Variants in BRSK2 observed in about 807,000 individuals in gnomAD.
BRSK2 encodes the protein serine/threonine-protein kinase BRSK2.
A neutral mutation model predicts 83.3 loss-of-function variants in BRSK2; 19 were observed. The ratio of observed to expected loss-of-function variants is 0.23; its 90% CI spans 0.16 to 0.33. BRSK2 has a LOEUF of 0.33. Ranked by LOEUF, BRSK2 falls within the 10% of genes least tolerant of loss-of-function variation. The pLI, the probability that BRSK2 is intolerant of heterozygous loss-of-function variation, is 1.00. For missense variants in BRSK2, 798 were observed against 1,042.3 expected, an observed-to-expected ratio of 0.77 and a Z score of 3.23; for synonymous variants, 519 against 435.4, an observed-to-expected ratio of 1.19 and a Z score of -2.39.
intron 1 of BRSK2, among the ~76,000 whole-genome samples, chr11:1,403,619 G>C (rs978832645): frequency 6.6e-5 from 10 of 152,194 alleles, no homozygotes; most frequent in Non-Finnish European, 1.5e-4. Context: ...GGTGTGTCCT[G>C]AGCTCCCATC....
intron 18 of BRSK2, among the ~76,000 whole-genome samples, 162 bp from the exon 19 acceptor site, chr11:1,459,030 C>T (rs1035954522): frequency 6.6e-6 from 1 of 152,128 alleles, no homozygotes; most frequent in Non-Finnish European, 1.5e-5. Flanking sequence ...TAAGCCCCGC[C>T]CCCTCTGGCT....
Position 1,436,083 on chromosome 11 carries a change from G to A in BRSK2, c.135G>A (p.Val45=), listed in dbSNP as rs1414597904. 1.3e-6 allele frequency: 2 copies of A among 1,594,458 alleles called. No homozygotes were observed. The highest frequency in any genetic ancestry group is 1.1e-5 in the South Asian group (1 of 90,386). The change falls in exon 2 of 20, where the codon GTG becomes GTA. Residue 45 remains valine (V), a synonymous_variant. Coordinates refer to ENST00000528841, the MANE Select transcript of BRSK2 (RefSeq NM_001256627.2). The part of the protein sequence containing the change: ...LGVHCVTCQK[V]AIKIVNREKL... ...TTCACTGCGTCACCTGCCAGAAGGTGGCCATCAAGATCGTCAACCGTGAGA... is the reference window on the plus strand; with the variant it reads ...TTCACTGCGTCACCTGCCAGAAGGTAGCCATCAAGATCGTCAACCGTGAGA...
chr11:1,415,484 G>C (rs6578333), intron 1 of BRSK2, among the ~76,000 whole-genome samples: 107,425 of 152,072 alleles, frequency 0.71, 38,503 homozygotes, highest in Non-Finnish European at 0.76. Flanking sequence ...CGATTTGATT[G>C]TGGCTCACTG....
chr11:1,428,893 G>C (rs1420142389), intron 1 of BRSK2, among the ~76,000 whole-genome samples: 1 of 151,090 alleles, frequency 6.6e-6, no homozygotes, highest in Non-Finnish European at 1.5e-5. Context: ...CGGGTTACTG[G>C]GGGTGTGCAC....
intron 2 of BRSK2, among the ~76,000 whole-genome samples, chr11:1,437,408 AC>A (rs1204373486): frequency 2.0e-5 from 3 of 152,174 alleles, no homozygotes; most frequent in Non-Finnish European, 4.4e-5. Context: ...CACCACTGAC[AC>A]GGCCACTTCT....
intron 12 of BRSK2, among the ~76,000 whole-genome samples, 158 bp downstream of exon 12, chr11:1,446,065 G>GGGCTT (rs1389861464): frequency 6.9e-6 from 1 of 144,890 alleles, no homozygotes; most frequent in Non-Finnish European, 1.5e-5. Context: ...GGGCTGGGCT[G>GGGCTT]GGCTTGGCTG....
At chr11:1,459,816 C>T (rs960375928) in intron 19 of BRSK2, among the ~76,000 whole-genome samples, 1 of 152,200 alleles carries the variant, frequency 6.6e-6, no homozygotes, top group African/African-American at 2.4e-5. Context: ...CCCAGCCTGC[C>T]TCCCACATCC....
chr11:1,395,668 C>T (rs529912940), intron 1 of BRSK2, among the ~76,000 whole-genome samples: 1 of 152,240 alleles, frequency 6.6e-6, no homozygotes, highest in African/African-American at 2.4e-5. Flanking sequence ...CCTGCCTTGT[C>T]ACTGGCAATG....
At chr11:1,414,685 C>T (rs1847905988) in intron 1 of BRSK2, among the ~76,000 whole-genome samples, 1 of 152,192 alleles carries the variant, frequency 6.6e-6, no homozygotes. Flanking sequence ...GCTACGCGGC[C>T]ACCACTGTCT....
chr11:1,457,167 C>T (rs1173959791), intron 18 of BRSK2: 1 of 926,892 alleles, frequency 1.1e-6, no homozygotes, highest in African/African-American at 1.7e-5. Flanking sequence ...CCTGGACAGG[C>T]CAAGCATGCC....
intron 1 of BRSK2, among the ~76,000 whole-genome samples, chr11:1,406,472 A>G (rs1248005192): frequency 1.3e-5 from 2 of 152,212 alleles, no homozygotes; most frequent in African/African-American, 4.8e-5. Flanking sequence ...ACTCTGTCTC[A>G]ATAAAAAGAT....
chr11:1,391,237 G>A (rs1250436649), intron 1 of BRSK2, among the ~76,000 whole-genome samples: 1 of 152,232 alleles, frequency 6.6e-6, no homozygotes, highest in African/African-American at 2.4e-5. Flanking sequence ...TGGAGGCTGG[G>A]GCTCAGCCAT....
intron 1 of BRSK2, among the ~76,000 whole-genome samples, chr11:1,406,275 A>G (rs1846871548): frequency 6.6e-6 from 1 of 152,214 alleles, no homozygotes; most frequent in Non-Finnish European, 1.5e-5. Flanking sequence ...CATCCTGGCT[A>G]ACACGGTGAA....
At chr11:1,426,171 A>G (rs942093109) in intron 1 of BRSK2, among the ~76,000 whole-genome samples, 7 of 152,162 alleles carry the variant, frequency 4.6e-5, no homozygotes, top group African/African-American at 1.4e-4. Context: ...GGGCAGGGCC[A>G]CGTGGCCATC....
intron 1 of BRSK2, among the ~76,000 whole-genome samples, chr11:1,420,512 C>T (rs928213705): frequency 3.0e-4 from 46 of 152,336 alleles, no homozygotes; most frequent in East Asian, 1.9e-4. Context: ...GAGGTTCCCC[C>T]GTCACGGCCA....
chr11:1,454,105 A>C lies in BRSK2; in HGVS notation c.1545-380A>C. 1 of 171,642 alleles carries C rather than the reference A, an allele frequency of 5.8e-6. No homozygotes were observed. The highest frequency in any genetic ancestry group is 1.2e-5 in the Non-Finnish European group (1 of 80,518). The allele number at this position is 171,642 out of a possible 1,614,324, so 10.6% of individuals were successfully genotyped here. A position where few individuals can be genotyped will look rare whatever the true frequency, so the allele number is the denominator to read the frequency against. Reference sequence around the variant, plus strand: ...CCGCCTGCTCCTGGGGGTGGGGGGCACAGCTGACTTCAGGAGCCCAGCTTG... The same window carrying C: ...CCGCCTGCTCCTGGGGGTGGGGGGCCCAGCTGACTTCAGGAGCCCAGCTTG... On this transcript the variant is annotated intron_variant, in intron 15 of 19. Coordinates refer to ENST00000528841, the MANE Select transcript of BRSK2 (RefSeq NM_001256627.2). This position sits in a 1 kb window ranked among gnomAD's most constrained non-coding sequence, Gnocchi z 5.2.
In BRSK2 at chr11:1,440,888, A is replaced by G; in HGVS notation, c.373A>G (p.Ile125Val). The change falls in exon 4 of 20, where the codon ATC becomes GTC. Residue 125 changes from isoleucine to valine, a missense_variant. Around this residue, in one of 6 missense-constraint regions of BRSK2, gnomAD observed 109 missense variants for 259.2 expected, o/e 0.42. Coordinates refer to ENST00000528841, the MANE Select transcript of BRSK2 (RefSeq NM_001256627.2). ...GGAGGCTCGGAAGTTCTTCCGGCAG[A>G]TCATCTCTGCGCTGGACTTCTGCCA... is the stretch of plus-strand genomic sequence containing the variant. ...PKEARKFFRQIISALDFCHSH... is the reference protein window; with the variant it reads ...PKEARKFFRQVISALDFCHSH... The G allele has an allele frequency of 1.2e-6, 2 of 1,609,622 alleles. No individual in the cohort carries two copies. Among genetic ancestry groups the G allele is most frequent in the South Asian group, 2.2e-5 (2 of 90,684 alleles).
intron 1 of BRSK2, among the ~76,000 whole-genome samples, chr11:1,407,001 T>C (rs182039307): frequency 6.6e-6 from 1 of 152,290 alleles, no homozygotes; most frequent in Non-Finnish European, 1.5e-5. Context: ...GGTCTGTGCA[T>C]CCTTGTCTGC....
At position 1,390,789 on chromosome 11, in the gene BRSK2, G is replaced by C. The variant is rs1341425247; in HGVS notation, c.91+414G>C. Among the ~76,000 whole-genome samples, 1 of 151,986 alleles carries C rather than the reference G, an allele frequency of 6.6e-6. No individual in the cohort carries two copies. The highest frequency in any genetic ancestry group is 1.5e-5 in the Non-Finnish European group (1 of 67,958). ...GGCCGCGCTAATAGGCGTGCTGCCCGAGCAGCTGCGCCCCCGGCGGGACTC... is the reference window on the plus strand; with the variant it reads ...GGCCGCGCTAATAGGCGTGCTGCCCCAGCAGCTGCGCCCCCGGCGGGACTC... On this transcript the variant is annotated intron_variant, in intron 1 of 19. Coordinates refer to ENST00000528841, the MANE Select transcript of BRSK2 (RefSeq NM_001256627.2). This position sits in a 1 kb window ranked among gnomAD's most constrained non-coding sequence, Gnocchi z 6.8.
Sources: allele counts gnomAD v4.1 joint callset (sites outside exome capture counted in the v4.1 genomes callset), GRCh38; gene constraint gnomAD v4.1.1; regional missense constraint gnomAD v4.1.1; non-coding constraint Gnocchi (gnomAD v3.1); transcripts MANE v1.5; gene names NCBI Gene and HGNC (gene_info 2026-07-23, HGNC 2026-07-21).